Variants in CDH13 observed in about 807,000 individuals in gnomAD.
CDH13 encodes the protein cadherin 13.
A neutral mutation model predicts 63.8 loss-of-function variants in CDH13; 24 were observed. That is an observed-to-expected ratio of 0.38 (90% confidence interval 0.27 to 0.53). The LOEUF (loss-of-function observed/expected upper bound fraction) is 0.53, where lower values mean the gene tolerates loss of function less well. Ranked by LOEUF, CDH13 falls within the 20% of genes least tolerant of loss-of-function variation. CDH13 has a pLI of 0.85. For missense variants in CDH13, 1,049 were observed against 903.1 expected (o/e 1.16, Z -2.07); for synonymous variants, 503 against 355.3 (o/e 1.42, Z -4.67).
intron 7 of CDH13, among the ~76,000 whole-genome samples, chr16:83,489,609 A>C (rs1188439482): frequency 1.3e-5 from 2 of 152,206 alleles, no homozygotes; most frequent in African/African-American, 4.8e-5. Context: ...TCAGATGTCC[A>C]GTGGAGTTCC....
chr16:83,727,879 C>G (rs939640532), intron 10 of CDH13, among the ~76,000 whole-genome samples: 1 of 152,112 alleles, frequency 6.6e-6, no homozygotes. Flanking sequence ...CCATTCCCGC[C>G]CGCTGCTAAT....
At chr16:83,119,964 G>A (rs1291813960) in intron 3 of CDH13, among the ~76,000 whole-genome samples, 1 of 152,186 alleles carries the variant, frequency 6.6e-6, no homozygotes, top group Non-Finnish European at 1.5e-5. Flanking sequence ...CAGAGCCATG[G>A]ATAAATATTC....
chr16:83,327,476 C>G (rs1056566623), intron 5 of CDH13, among the ~76,000 whole-genome samples: 1 of 152,194 alleles, frequency 6.6e-6, no homozygotes, highest in Non-Finnish European at 1.5e-5. Flanking sequence ...AAGCCCTTAG[C>G]TAATTCATTG....
chr16:83,452,147 C>T (rs1172929202), intron 6 of CDH13, among the ~76,000 whole-genome samples: 1 of 152,062 alleles, frequency 6.6e-6, no homozygotes, highest in Non-Finnish European at 1.5e-5. Flanking sequence ...TGATTAATCT[C>T]AAGACTGGAG....
At chr16:83,235,935 C>A (rs1025695459) in intron 5 of CDH13, among the ~76,000 whole-genome samples, 1 of 152,058 alleles carries the variant, frequency 6.6e-6, no homozygotes, top group African/African-American at 2.4e-5. Flanking sequence ...GGATATTGTG[C>A]TGTAAGTTTT....
At chr16:82,959,433 G>A (rs1906622016) in intron 2 of CDH13, among the ~76,000 whole-genome samples, 2 of 152,184 alleles carry the variant, frequency 1.3e-5, no homozygotes, top group South Asian at 4.1e-4. Context: ...ATGGATGTCT[G>A]AATGGCTTTG....
At position 83,314,125 on chromosome 16, in the gene CDH13, C is replaced by G. The variant is rs372824909; in HGVS notation, c.637-30737C>G. Among the ~76,000 whole-genome samples the G allele has an allele frequency of 3.3e-5, 5 of 152,288 alleles. No individual in the cohort carries two copies. In the South Asian group the frequency reaches 8.3e-4, roughly 25 times the overall value. On this transcript the variant is annotated intron_variant, in intron 5 of 13. Coordinates refer to ENST00000567109, the MANE Select transcript of CDH13 (RefSeq NM_001257.5). ...TTGCTCTAATCAAAAATATGCCCCA[C>G]TGTAATGAGCTATGCATGTTGTGTC...
At chr16:83,536,273 A>G (rs552371293) in intron 7 of CDH13, among the ~76,000 whole-genome samples, 91 of 152,336 alleles carry the variant, frequency 6.0e-4, no homozygotes, top group African/African-American at 2.0e-3. Context: ...TCAAATAAGC[A>G]TAGTAAGAAA....
chr16:83,597,595 C>T (rs985219952), intron 7 of CDH13, among the ~76,000 whole-genome samples: 2 of 152,070 alleles, frequency 1.3e-5, no homozygotes, highest in African/African-American at 2.4e-5. Flanking sequence ...TTTTATGTTG[C>T]TTACAATAAT....
At chr16:83,368,797 CT>C (rs1179778831) in intron 6 of CDH13, among the ~76,000 whole-genome samples, 1 of 149,502 alleles carries the variant, frequency 6.7e-6, no homozygotes, top group African/African-American at 2.5e-5. Flanking sequence ...AGTTACTTCA[CT>C]TAGAATAACA....
At chr16:83,411,054 T>C (rs2092118914) in intron 6 of CDH13, among the ~76,000 whole-genome samples, 1 of 152,222 alleles carries the variant, frequency 6.6e-6, no homozygotes, top group Non-Finnish European at 1.5e-5. Context: ...TTCATGCTGA[T>C]CCATCCATAG....
intron 7 of CDH13, among the ~76,000 whole-genome samples, chr16:83,520,016 C>T (rs1016096395): frequency 1.3e-5 from 2 of 152,094 alleles, no homozygotes; most frequent in Non-Finnish European, 2.9e-5. Context: ...AGGGCTAGGC[C>T]TGGGTAACTT....
intron 8 of CDH13, among the ~76,000 whole-genome samples, chr16:83,645,195 A>G (rs909942899): frequency 1.3e-5 from 2 of 152,352 alleles, no homozygotes; most frequent in East Asian, 3.9e-4. Context: ...GTGTATACAC[A>G]GGTGAAATAC....
chr16:82,773,000 G>A (rs957736093), intron 1 of CDH13, among the ~76,000 whole-genome samples: 1 of 152,146 alleles, frequency 6.6e-6, no homozygotes, highest in African/African-American at 2.4e-5. Flanking sequence ...CATGTAGAGA[G>A]CGCACGAGAG....
At chr16:83,689,989 C>T (rs528905480) in intron 10 of CDH13, among the ~76,000 whole-genome samples, 5 of 152,132 alleles carry the variant, frequency 3.3e-5, no homozygotes, top group Non-Finnish European at 7.4e-5. Context: ...AATTTGAGAC[C>T]AGCCTGACCA....
intron 1 of CDH13, among the ~76,000 whole-genome samples, chr16:82,846,271 C>T (rs2039250589): frequency 6.6e-6 from 1 of 152,150 alleles, no homozygotes; most frequent in Middle Eastern, 3.2e-3. Flanking sequence ...ATCCAAAGAG[C>T]ATGTTGTTCC....
intron 7 of CDH13, among the ~76,000 whole-genome samples, chr16:83,492,023 G>A (rs765273177): frequency 6.6e-6 from 1 of 152,148 alleles, no homozygotes; most frequent in Non-Finnish European, 1.5e-5. Flanking sequence ...AGAATGTTAG[G>A]GAGAACATCC....
chr16:83,353,796 G>A (rs2091004041), intron 6 of CDH13, among the ~76,000 whole-genome samples: 1 of 152,110 alleles, frequency 6.6e-6, no homozygotes, highest in Non-Finnish European at 1.5e-5. Flanking sequence ...TGTATTCTGG[G>A]TGAACTGGGG....
chr16:83,216,404 A>ATATATGTATATG (rs1481023092), intron 4 of CDH13, among the ~76,000 whole-genome samples: 1 of 56,514 alleles, frequency 1.8e-5, no homozygotes, highest in Non-Finnish European at 3.2e-5. Context: ...TGAAATATAT[A>ATATATGTATATG]TATATATATA....
Sources: allele counts gnomAD v4.1 joint callset (sites outside exome capture counted in the v4.1 genomes callset), GRCh38; gene constraint gnomAD v4.1.1; transcripts MANE v1.5; gene names NCBI Gene and HGNC (gene_info 2026-07-23, HGNC 2026-07-21).